The following USP10 variants were observed in gnomAD, a reference collection of about 807,000 sequenced individuals.
The protein encoded by USP10 is ubiquitin carboxyl-terminal hydrolase 10.
A neutral mutation model predicts 84.5 loss-of-function variants in USP10; 22 were observed. That is an observed-to-expected ratio of 0.26 (90% CI 0.19 to 0.37). The LOEUF (loss-of-function observed/expected upper bound fraction) is 0.37, where lower values mean the gene tolerates loss of function less well. USP10 is among the 10% of genes least tolerant of loss of function. The pLI is 1.00. For synonymous variants in USP10, 454 were observed against 387.6 expected (o/e 1.17, Z -2.01); for missense variants, 1,019 against 998.9 (o/e 1.02, Z -0.27).
intron 13 of USP10, 67 bp from the exon 14 acceptor site, chr16:84,778,828 G>T (rs1915284648): frequency 2.0e-6 from 3 of 1,483,308 alleles, no homozygotes. Flanking sequence ...AGGGAAGTCG[G>T]CGGAGACCTG....
chr16:84,700,156 GGGCGGGCGGACGCCGC>G (rs1393187063), intron 1 of USP10, 45 bp downstream of exon 1: 8 of 1,231,740 alleles, frequency 6.5e-6, no homozygotes, highest in South Asian at 4.5e-5. Flanking sequence ...CCCGAGCCCC[GGGCGGGCGGACGCCGC>G]GGCGGGCGGG....
At chr16:84,770,637 T>G (rs1041300406) in intron 11 of USP10, among the ~76,000 whole-genome samples, 1 of 151,322 alleles carries the variant, frequency 6.6e-6, no homozygotes, top group Non-Finnish European at 1.5e-5. Flanking sequence ...CCGGGCATGG[T>G]GGCAGGCGCC....
At chr16:84,718,032 TGA>T (rs1164096741) in intron 1 of USP10, among the ~76,000 whole-genome samples, 2 of 152,130 alleles carry the variant, frequency 1.3e-5, no homozygotes, top group Admixed American at 1.3e-4. Context: ...AGAACAATGA[TGA>T]GAGAGAGATT....
intron 2 of USP10, among the ~76,000 whole-genome samples, chr16:84,738,637 C>T (rs748637625): frequency 6.6e-6 from 1 of 152,190 alleles, no homozygotes; most frequent in Non-Finnish European, 1.5e-5. Flanking sequence ...TGGGTGTCAA[C>T]GTGATGCGTA....
At chr16:84,751,025 C>T (rs558674818) in intron 4 of USP10, among the ~76,000 whole-genome samples, 1 of 152,320 alleles carries the variant, frequency 6.6e-6, no homozygotes, top group East Asian at 1.9e-4. Context: ...AATGAACATA[C>T]AGTTATGTGC....
chr16:84,744,647 A>G lies in USP10; in HGVS notation c.166A>G (p.Arg56Gly), dbSNP rs1308897105. 1 of 1,608,440 alleles carries G rather than the reference A, an allele frequency of 6.2e-7. No homozygotes were observed. The highest frequency in any genetic ancestry group is 8.5e-7 in the Non-Finnish European group (1 of 1,176,308). ...DKLPDGQEYQ[R>G]IEFGVDEVIE... ...TTTCTAAACAGGACAAGAATATCAG[A>G]GAATTGAGTTTGGTGTCGATGAAGT... is the stretch of plus-strand genomic sequence containing the variant. Residue 56 changes from arginine (R) to glycine (G), a missense_variant, in exon 4 of 14, where the codon AGA becomes GGA. By Grantham distance (125) the Arg-to-Gly change is moderately radical. Transcript: ENST00000219473.
intron 1 of USP10, among the ~76,000 whole-genome samples, chr16:84,702,746 A>G (rs968049232): frequency 6.6e-6 from 1 of 152,058 alleles, no homozygotes; most frequent in Non-Finnish European, 1.5e-5. Context: ...TAATCCCAGC[A>G]CTTTGGGAGG....
chr16:84,713,342 G>A (rs1292713450), intron 1 of USP10, among the ~76,000 whole-genome samples: 1 of 151,960 alleles, frequency 6.6e-6, no homozygotes, highest in Non-Finnish European at 1.5e-5. Context: ...GTGAGTCTCT[G>A]TGCCTGGGCC....
chr16:84,779,128 A>G lies in USP10; in HGVS notation c.*46A>G. ...GCGCCCAGTGCCCGCTTCGTAGGAC[A>G]CCACCTCACACTCACTTCCCGCCTC... On this transcript the variant is annotated 3_prime_UTR_variant, in exon 14 of 14. Coordinates refer to ENST00000219473, the MANE Select transcript of USP10 (RefSeq NM_005153.3). 1.3e-6 allele frequency: 2 copies of G among 1,563,980 alleles called. No homozygotes were observed. Among genetic ancestry groups the G allele is most frequent in the East Asian group, 2.3e-5 (1 of 43,870 alleles).
At chr16:84,702,672 A>C (rs1049011414) in intron 1 of USP10, among the ~76,000 whole-genome samples, 3 of 152,126 alleles carry the variant, frequency 2.0e-5, no homozygotes, top group African/African-American at 7.2e-5. Context: ...CACTGAGAAT[A>C]ATGGGAGGTG....
intron 4 of USP10, among the ~76,000 whole-genome samples, chr16:84,752,666 C>A (rs1029544115): frequency 6.6e-6 from 1 of 152,198 alleles, no homozygotes; most frequent in African/African-American, 2.4e-5. Flanking sequence ...AGGATTCATT[C>A]ACTTGAACAT....
chr16:84,746,284 A>C (rs969622982), intron 4 of USP10, among the ~76,000 whole-genome samples: 1 of 152,250 alleles, frequency 6.6e-6, no homozygotes, highest in Non-Finnish European at 1.5e-5. Flanking sequence ...ATTGTTTTTA[A>C]AAAGTTACAG....
In USP10 at chr16:84,750,659, A is replaced by G. The variant is rs563656260; in HGVS notation, c.1192+4986A>G. Among the ~76,000 whole-genome samples, 6 of 152,310 alleles carry G rather than the reference A, an allele frequency of 3.9e-5. No individual in the cohort carries two copies. In the East Asian group the frequency reaches 1.2e-3, roughly 29 times the overall value. On this transcript the variant is annotated intron_variant, in intron 4 of 13. Transcript: ENST00000219473. ...CATATACTAGACGAAATTGTATCAG[A>G]TGCTTTCACATCACAAATAGAGCCA...
At chr16:84,764,931 G>A (rs868433826) in intron 10 of USP10, among the ~76,000 whole-genome samples, 10 of 39,264 alleles carry the variant, frequency 2.5e-4, no homozygotes, top group East Asian at 4.7e-3. Flanking sequence ...GAGAGAGAGA[G>A]AAAAAAAAAT....
chr16:84,731,490 C>G (rs1909227038), intron 1 of USP10, among the ~76,000 whole-genome samples: 1 of 151,952 alleles, frequency 6.6e-6, no homozygotes, highest in Admixed American at 6.6e-5. Flanking sequence ...AATTCATTTT[C>G]TGGAATTCTT....
chr16:84,726,877 C>T (rs1351140458), intron 1 of USP10, among the ~76,000 whole-genome samples: 2 of 152,244 alleles, frequency 1.3e-5, no homozygotes, highest in African/African-American at 2.4e-5. Flanking sequence ...AACCACAGGA[C>T]GCGGGAAAGG....
chr16:84,750,797 C>T (rs1477441004), intron 4 of USP10, among the ~76,000 whole-genome samples: 2 of 152,176 alleles, frequency 1.3e-5, no homozygotes, highest in African/African-American at 4.8e-5. Context: ...GTTAAAATTC[C>T]AGTGAGAGAG....
At chr16:84,700,670 G>A (rs1001612846) in intron 1 of USP10, among the ~76,000 whole-genome samples, 1 of 152,176 alleles carries the variant, frequency 6.6e-6, no homozygotes, top group African/African-American at 2.4e-5. Context: ...GCGGCCTTGG[G>A]CTGCTGTTGC....
chr16:84,706,960 C>T (rs1905610619), intron 1 of USP10, among the ~76,000 whole-genome samples: 2 of 152,054 alleles, frequency 1.3e-5, no homozygotes, highest in South Asian at 4.1e-4. Flanking sequence ...TCATTTGAAG[C>T]CTATAAACTC....
Sources: allele counts gnomAD v4.1 joint callset (sites outside exome capture counted in the v4.1 genomes callset), GRCh38; gene constraint gnomAD v4.1.1; transcripts MANE v1.5; gene names NCBI Gene and HGNC (gene_info 2026-07-23, HGNC 2026-07-21).